NUP58: variants seen among roughly 807,000 people sequenced by gnomAD.
The protein encoded by NUP58 is nucleoporin 58.
NUP58 carries 17 observed loss-of-function variants against 70.1 expected under a neutral mutation model. That is an observed-to-expected ratio of 0.24 (90% CI 0.17 to 0.36). NUP58 has a LOEUF of 0.36. Among genes scored for constraint, NUP58 ranks in the 10% least tolerant of loss-of-function variants. The probability of loss-of-function intolerance (pLI) is 1.00; values close to 1 mark genes in which losing one functional copy is unlikely to be tolerated. For synonymous variants in NUP58, 275 were observed against 257.6 expected, an observed-to-expected ratio of 1.07 and a Z score of -0.65; for missense variants, 644 against 701.5, an observed-to-expected ratio of 0.92 and a Z score of 0.93.
chr13:25,308,234 C>T (rs1156404180), intron 2 of NUP58: 1 of 236,660 alleles, frequency 4.2e-6, no homozygotes, highest in Middle Eastern at 1.4e-3. Flanking sequence ...TGGTTTAAGC[C>T]AGCTTTATCA....
chr13:25,312,661 C>G (rs2030726662), intron 3 of NUP58, among the ~76,000 whole-genome samples: 1 of 152,190 alleles, frequency 6.6e-6, no homozygotes. Flanking sequence ...AGCCACTGTA[C>G]CTGGCCATTC....
intron 1 of NUP58, chr13:25,302,799 A>AC (rs2030093468): frequency 2.7e-6 from 1 of 366,394 alleles, no homozygotes; most frequent in Middle Eastern, 4.8e-4. Context: ...GGGAGGAGGA[A>AC]CCACGGACTA....
chr13:25,327,195 A>G lies in NUP58; in HGVS notation c.1150+161A>G, dbSNP rs562948755. ...ATTCCCTATAAATATAATATGCTTT[A>G]TTATATGAATTGTTACTGTGGTAAC... On this transcript the variant is annotated intron_variant, in intron 11 of 15. Coordinates refer to ENST00000381736, the MANE Select transcript of NUP58 (RefSeq NM_014089.4). 3.9e-4 allele frequency among the ~76,000 whole-genome samples: 60 copies of G among 152,272 alleles called. No individual in the cohort carries two copies. In the Middle Eastern group the frequency reaches 0.01, roughly 26 times the overall value.
At chr13:25,327,971 C>T (rs974817941) in intron 12 of NUP58, among the ~76,000 whole-genome samples, 8 of 151,980 alleles carry the variant, frequency 5.3e-5, no homozygotes, top group African/African-American at 1.4e-4. Context: ...GAGGCCGAGG[C>T]GGGCGAATCA....
At chr13:25,333,439 C>CT (rs920023180) in intron 13 of NUP58, 1 of 985,264 alleles carries the variant, frequency 1.0e-6, no homozygotes, top group African/African-American at 1.7e-5. Context: ...TTCCCTGAAA[C>CT]TTTGAAGTCC....
intron 4 of NUP58, 36 bp from the exon 5 acceptor site, chr13:25,313,577 GT>G: frequency 7.0e-7 from 1 of 1,420,198 alleles, no homozygotes; most frequent in Non-Finnish European, 9.2e-7. Context: ...TGTTAAATAA[GT>G]TGCCTTTTGA....
At chr13:25,346,055 C>A (rs996005746), downstream of NUP58, among the ~76,000 whole-genome samples, 1 of 152,134 alleles carries the variant, frequency 6.6e-6, no homozygotes, top group Non-Finnish European at 1.5e-5. Flanking sequence ...TTTAATCCCC[C>A]GGGAAGCAAG....
At chr13:25,336,613 T>C (rs1308035277) in intron 13 of NUP58, among the ~76,000 whole-genome samples, 1 of 152,178 alleles carries the variant, frequency 6.6e-6, no homozygotes, top group African/African-American at 2.4e-5. Flanking sequence ...TCTAAAGGAA[T>C]GATAATTTAT....
intron 12 of NUP58, among the ~76,000 whole-genome samples, chr13:25,330,321 A>G (rs1483573187): frequency 2.0e-5 from 3 of 152,168 alleles, no homozygotes; most frequent in Admixed American, 1.3e-4. Flanking sequence ...CTTCCCCAGT[A>G]TCCAGTTCTT....
chr13:25,321,898 CAA>C (rs1207775085), intron 9 of NUP58, among the ~76,000 whole-genome samples: 1 of 152,102 alleles, frequency 6.6e-6, no homozygotes, highest in South Asian at 2.1e-4. Context: ...GCCTGGGCAA[CAA>C]GAGCAAAACT....
At position 25,315,387 on chromosome 13, in the gene NUP58, T is replaced by C. The variant is rs2030879076; in HGVS notation, c.605T>C (p.Leu202Ser). 1.2e-6 allele frequency: 2 copies of C among 1,613,958 alleles called. No homozygotes were observed. The highest frequency in any genetic ancestry group is 4.5e-5 in the East Asian group (2 of 44,856). ...GGACAGAATGCTTTAGGGTTGACTT[T>C]GGGAACTACAGCAGCTACTTCAACT... Reference protein sequence around the residue: ...GLGQNALGLTLGTTAATSTAG... With the variant: ...GLGQNALGLTSGTTAATSTAG... The change falls in exon 6 of 16, where the codon TTG (leucine) becomes TCG (serine). Residue 202 changes from leucine (L) to serine (S), a missense_variant. By Grantham distance (145) the Leu-to-Ser change is moderately radical. Coordinates refer to ENST00000381736, the MANE Select transcript of NUP58 (RefSeq NM_014089.4).
At chr13:25,338,369 G>T (rs530655831) in intron 14 of NUP58, among the ~76,000 whole-genome samples, 2 of 152,198 alleles carry the variant, frequency 1.3e-5, no homozygotes, top group African/African-American at 4.8e-5. Context: ...ATTTAGAAGA[G>T]AAAATACTAA....
chr13:25,314,263 T>A (rs2030821715), intron 5 of NUP58, among the ~76,000 whole-genome samples: 1 of 152,128 alleles, frequency 6.6e-6, no homozygotes, highest in Admixed American at 6.6e-5. Context: ...TACATTTTCC[T>A]CTTTCTCAAT....
chr13:25,330,947 CTG>C (rs974780726), intron 12 of NUP58, among the ~76,000 whole-genome samples: 3 of 150,788 alleles, frequency 2.0e-5, no homozygotes, highest in Admixed American at 2.0e-4. Flanking sequence ...TTTTTTTAAA[CTG>C]TTTTAATCAA....
intron 1 of NUP58, among the ~76,000 whole-genome samples, chr13:25,302,122 T>G (rs2030044861): frequency 6.6e-6 from 1 of 152,236 alleles, no homozygotes; most frequent in Non-Finnish European, 1.5e-5. Context: ...AATCCACGTA[T>G]AGTTCAGGCA....
intron 3 of NUP58, among the ~76,000 whole-genome samples, chr13:25,310,788 A>G (rs1445797904): frequency 1.3e-5 from 2 of 152,200 alleles, no homozygotes; most frequent in African/African-American, 4.8e-5. Context: ...CAGTGATTTC[A>G]GGTTAAGTCA....
At chr13:25,324,965 T>TC (rs1263654989) in intron 9 of NUP58, 24 bp from the exon 10 acceptor site, 4 of 1,481,160 alleles carry the variant, frequency 2.7e-6, no homozygotes, top group Non-Finnish European at 3.7e-6. Flanking sequence ...TTTTTTTTTT[T>TC]TTTTAAATCC....
chr13:25,332,447 C>T, intron 13 of NUP58: 1 of 983,854 alleles, frequency 1.0e-6, no homozygotes, highest in Non-Finnish European at 1.2e-6. Context: ...TTATTTTAAT[C>T]ATTCATAAAT....
chr13:25,313,051 C>A lies in NUP58; in HGVS notation c.436+19C>A, dbSNP rs1163128421. The stretch of plus-strand genomic sequence containing the variant: ...CCAGCAGGTGAGGCAGAATGAAAAA[C>A]CGTTGCATTTAATGGTTAAATTTCA... On this transcript the variant is annotated intron_variant, in intron 4 of 15. Coordinates refer to ENST00000381736, the MANE Select transcript of NUP58 (RefSeq NM_014089.4). 2 of 1,607,274 alleles carry A rather than the reference C, an allele frequency of 1.2e-6. 1 individual carries two copies. The highest frequency in any genetic ancestry group is 1.7e-6 in the Non-Finnish European group (2 of 1,177,830).
Sources: gnomAD v4.1 joint callset for allele counts (sites outside exome capture counted in the v4.1 genomes callset) on GRCh38, gnomAD v4.1.1 for gene constraint, MANE v1.5 for transcripts, NCBI Gene and HGNC (gene_info 2026-07-23, HGNC 2026-07-21) for gene names.